The following DYNLT2B variants were observed in gnomAD, a reference collection of about 807,000 sequenced individuals.
DYNLT2B encodes dynein light chain Tctex-type 2B, also known as dynein light chain Tctex-type protein 2B.
A neutral mutation model predicts 19.5 loss-of-function variants in DYNLT2B; 14 were observed. That is an observed-to-expected ratio of 0.72 (90% CI 0.47 to 1.12). The LOEUF (loss-of-function observed/expected upper bound fraction) is 1.12, where lower values mean the gene tolerates loss of function less well. Among genes scored for constraint, DYNLT2B ranks in the 50% most tolerant of loss-of-function variants. The pLI is 0.00. For missense variants in DYNLT2B, 133 were observed against 174.7 expected, an observed-to-expected ratio of 0.76 and a Z score of 1.35; for synonymous variants, 70 against 59.7, an observed-to-expected ratio of 1.17 and a Z score of -0.79.
At chr3:196,304,601 G>C (rs1726440524) in intron 3 of DYNLT2B, among the ~76,000 whole-genome samples, 1 of 151,672 alleles carries the variant, frequency 6.6e-6, no homozygotes. Flanking sequence ...TGAGGCAGGA[G>C]AATCTCTTGA....
At chr3:196,298,058 T>A in intron 3 of DYNLT2B, 1 of 234,574 alleles carries the variant, frequency 4.3e-6, no homozygotes, top group Non-Finnish European at 8.6e-6. Flanking sequence ...CACGTGCAGT[T>A]CCTTATAGAC....
chr3:196,299,958 A>C (rs1209484826), intron 3 of DYNLT2B, among the ~76,000 whole-genome samples: 1 of 152,086 alleles, frequency 6.6e-6, no homozygotes, highest in Non-Finnish European at 1.5e-5. Context: ...AAATAAAGTA[A>C]CTAGTATGAC....
chr3:196,297,090 G>A (rs560687433), intron 3 of DYNLT2B, among the ~76,000 whole-genome samples: 1 of 151,478 alleles, frequency 6.6e-6, no homozygotes, highest in Admixed American at 6.6e-5. Context: ...CTACTCAGGA[G>A]GCTGGTGTGA....
At chr3:196,297,392 G>GCACA (rs1282502471) in intron 3 of DYNLT2B, among the ~76,000 whole-genome samples, 1 of 152,084 alleles carries the variant, frequency 6.6e-6, no homozygotes, top group East Asian at 1.9e-4. Flanking sequence ...GGGCATCGTG[G>GCACA]CACACGCCTG....
intron 3 of DYNLT2B, among the ~76,000 whole-genome samples, chr3:196,304,116 AATAAAAACTTGG>A (rs1726423503): frequency 6.6e-6 from 1 of 152,146 alleles, no homozygotes; most frequent in African/African-American, 2.4e-5. Flanking sequence ...ACTATTTTAA[AATAAAAACTTGG>A]TTTTTTTATT....
intron 2 of DYNLT2B, among the ~76,000 whole-genome samples, chr3:196,314,847 AAAAC>A (rs1258406626): frequency 1.3e-5 from 2 of 151,998 alleles, no homozygotes; most frequent in Non-Finnish European, 2.9e-5. Context: ...AAAAAAAAAC[AAAAC>A]AATCAGAGAG....
intron 2 of DYNLT2B, chr3:196,315,266 CTTT>C (rs34104361): frequency 1.2e-3 from 451 of 373,026 alleles, no homozygotes; most frequent in East Asian, 4.4e-3. Context: ...TTTTATTTTG[CTTT>C]TTTTTTTTTT....
At position 196,317,281 on chromosome 3, in the gene DYNLT2B, T is replaced by TGTGTTG. The variant is rs200869314; in HGVS notation, c.113+758_113+759insCAACAC. 0.024 allele frequency among the ~76,000 whole-genome samples: 1,256 copies of TGTGTTG among 52,396 alleles called. 157 individuals carry two copies. In the East Asian group the frequency reaches 0.25, roughly 10 times the overall value. The allele number at this position is 52,396 out of a possible 152,430, so 34.4% of individuals were successfully genotyped here. A position where few individuals can be genotyped will look rare whatever the true frequency, so the allele number is the denominator to read the frequency against. ...CATTTTTTTTCAGTGTGTGTGTGTGTTGTGTGTGTGTGTGTGTGTAAAGTT... is the reference window on the plus strand; with the variant it reads ...CATTTTTTTTCAGTGTGTGTGTGTGTGTGTTGTGTGTGTGTGTGTGTGTGTAAAGTT... On this transcript the variant is annotated intron_variant, in intron 1 of 4. Coordinates refer to ENST00000325318, the MANE Select transcript of DYNLT2B (RefSeq NM_152773.5).
At chr3:196,308,506 TAACACC>T (rs1423092197) in intron 2 of DYNLT2B, among the ~76,000 whole-genome samples, 1 of 152,166 alleles carries the variant, frequency 6.6e-6, no homozygotes, top group African/African-American at 2.4e-5. Context: ...AAATTCTCAC[TAACACC>T]AAGTCTGAAG....
At chr3:196,307,756 G>C (rs1225655564) in intron 2 of DYNLT2B, among the ~76,000 whole-genome samples, 1 of 151,476 alleles carries the variant, frequency 6.6e-6, no homozygotes, top group African/African-American at 2.4e-5. Flanking sequence ...TTGCCTTAAA[G>C]AACTCACAGT....
Position 196,306,788 on chromosome 3 carries a change from G to A in DYNLT2B, c.317+155C>T, listed in dbSNP as rs536011148. ...ACTCCTGACCTCAGGTGATCCACCC[G>A]CCTCAGCCTCCCAAAGTGCTGAGAT... On this transcript the variant is annotated intron_variant, in intron 3 of 4. Transcript: ENST00000325318. Among the ~76,000 whole-genome samples the A allele has an allele frequency of 9.9e-5, 15 of 152,120 alleles. No homozygotes were observed. The South Asian group carries it at 3.1e-3, about 32-fold the overall frequency.
intron 3 of DYNLT2B, among the ~76,000 whole-genome samples, chr3:196,303,002 C>T (rs1448152288): frequency 2.0e-5 from 3 of 151,886 alleles, no homozygotes; most frequent in Non-Finnish European, 4.4e-5. Flanking sequence ...AGCCATGCAG[C>T]TGGAGGCTAC....
At chr3:196,315,497 G>A (rs1401560761) in intron 2 of DYNLT2B, among the ~76,000 whole-genome samples, 2 of 151,482 alleles carry the variant, frequency 1.3e-5, no homozygotes, top group Admixed American at 6.6e-5. Flanking sequence ...TCCTGACCTC[G>A]TGATCCACCC....
intron 2 of DYNLT2B, among the ~76,000 whole-genome samples, chr3:196,307,525 AC>A (rs1726523764): frequency 6.6e-6 from 1 of 151,784 alleles, no homozygotes; most frequent in Admixed American, 6.6e-5. Flanking sequence ...CTGGTCTCGA[AC>A]TCCTGACCTC....
chr3:196,317,283 G>GTGT (rs1560195140), intron 1 of DYNLT2B, among the ~76,000 whole-genome samples: 15 of 83,688 alleles, frequency 1.8e-4, no homozygotes, highest in East Asian at 1.2e-3. Flanking sequence ...TGTGTGTGTT[G>GTGT]TGTGTGTGTG....
At chr3:196,317,360 A>T (rs1476271574) in intron 1 of DYNLT2B, among the ~76,000 whole-genome samples, 1 of 38,576 alleles carries the variant, frequency 2.6e-5, no homozygotes, top group Non-Finnish European at 5.1e-5. Context: ...TGAGCCTGAT[A>T]TTTTTTTCAG....
intron 2 of DYNLT2B, among the ~76,000 whole-genome samples, chr3:196,310,739 G>A (rs1175853370): frequency 6.6e-6 from 1 of 150,586 alleles, no homozygotes; most frequent in African/African-American, 2.4e-5. Flanking sequence ...GTTTTGTTTT[G>A]TTTTTGTTTT....
Position 196,316,294 on chromosome 3 carries a change from C to T in DYNLT2B, c.114-63G>A, listed in dbSNP as rs1190571748. The T allele has an allele frequency of 5.3e-6, 8 of 1,507,400 alleles. No homozygotes were observed. In the East Asian group the frequency reaches 7.2e-5, roughly 13 times the overall value. The allele number at this position is 1,507,400 out of a possible 1,614,324, so 93.4% of individuals were successfully genotyped here. A position where few individuals can be genotyped will look rare whatever the true frequency, so the allele number is the denominator to read the frequency against. On this transcript the variant is annotated intron_variant, in intron 1 of 4. Coordinates refer to ENST00000325318, the MANE Select transcript of DYNLT2B (RefSeq NM_152773.5). Reference sequence around the variant, plus strand: ...CCACAACCCCAGCTTACCTTCATACCGCAACTTCTCCCATCTTTTTGTCAT... The same window carrying T: ...CCACAACCCCAGCTTACCTTCATACTGCAACTTCTCCCATCTTTTTGTCAT...
At chr3:196,291,402 C>T in intron 4 of DYNLT2B, 28 bp from the exon 5 acceptor site, 1 of 1,600,576 alleles carries the variant, frequency 6.2e-7, no homozygotes, top group Non-Finnish European at 8.5e-7. Flanking sequence ...CACACACACA[C>T]ATCCAGAATG....
Sources: allele counts gnomAD v4.1 joint callset (sites outside exome capture counted in the v4.1 genomes callset), GRCh38; gene constraint gnomAD v4.1.1; transcripts MANE v1.5; gene names NCBI Gene and HGNC (gene_info 2026-07-23, HGNC 2026-07-21).